USP3: variants seen among roughly 807,000 people sequenced by gnomAD.
USP3 encodes the protein ubiquitin specific peptidase 3.
In USP3, 20 loss-of-function variants were observed where a neutral mutation model predicts 72.3. The ratio of observed to expected loss-of-function variants is 0.28; its 90% CI spans 0.19 to 0.40. The LOEUF (loss-of-function observed/expected upper bound fraction) is 0.40. USP3 is among the 10% of genes least tolerant of loss of function. The pLI is 1.00. For missense variants in USP3, 479 were observed against 633.9 expected (o/e 0.76, Z 2.62); for synonymous variants, 222 against 225.3 (o/e 0.99, Z 0.13).
intron 2 of USP3, among the ~76,000 whole-genome samples, chr15:63,534,109 G>A (rs547282086): frequency 1.1e-4 from 17 of 152,242 alleles, no homozygotes; most frequent in Non-Finnish European, 2.4e-4. Context: ...TCTAGCCTCT[G>A]CAGGTGGACT....
At chr15:63,584,331 C>G (rs1010718892) in intron 11 of USP3, among the ~76,000 whole-genome samples, 3 of 152,008 alleles carry the variant, frequency 2.0e-5, no homozygotes, top group Non-Finnish European at 4.4e-5. Flanking sequence ...TCCTCCTGAC[C>G]TCGTGATCTA....
chr15:63,550,617 T>C (rs1284998603), intron 3 of USP3, among the ~76,000 whole-genome samples: 3 of 152,258 alleles, frequency 2.0e-5, no homozygotes, highest in Admixed American at 6.5e-5. Context: ...AATTAGGCAT[T>C]ATCTCTTCTA....
intron 4 of USP3, 101 bp from the exon 5 acceptor site, chr15:63,556,566 C>G: frequency 2.4e-6 from 2 of 839,352 alleles, no homozygotes; most frequent in Non-Finnish European, 3.6e-6. Flanking sequence ...AGGGAGGTCT[C>G]CATGCCCTAG....
intron 1 of USP3, among the ~76,000 whole-genome samples, chr15:63,524,501 G>A (rs1451167199): frequency 6.6e-6 from 1 of 152,180 alleles, no homozygotes. Context: ...AATTTTGTGG[G>A]CCAAGAATTC....
At chr15:63,557,592 C>T (rs558635712) in intron 5 of USP3, among the ~76,000 whole-genome samples, 6 of 152,310 alleles carry the variant, frequency 3.9e-5, no homozygotes, top group South Asian at 2.1e-4. Context: ...GACGGAGTTT[C>T]GCCATGTTGG....
rs561019561 is a variant in USP3, at chr15:63,554,932, T to C, written c.368+1134T>C. On this transcript the variant is annotated intron_variant, in intron 4 of 14. Coordinates refer to ENST00000380324, the MANE Select transcript of USP3 (RefSeq NM_006537.4). Reference sequence around the variant, plus strand: ...GACAGATACACACAGATCCAAAATATTTAATTTTCTCTGAAACTGTTCACA... The same window carrying C: ...GACAGATACACACAGATCCAAAATACTTAATTTTCTCTGAAACTGTTCACA... Among the ~76,000 whole-genome samples the C allele has an allele frequency of 9.8e-5, 15 of 152,316 alleles. No homozygotes were observed. In the East Asian group the frequency reaches 2.7e-3, roughly 27 times the overall value.
At chr15:63,523,285 C>T (rs1209193837) in intron 1 of USP3, among the ~76,000 whole-genome samples, 1 of 152,096 alleles carries the variant, frequency 6.6e-6, no homozygotes, top group Non-Finnish European at 1.5e-5. Flanking sequence ...AAATCTTTAC[C>T]ATAGCCATGT....
chr15:63,578,613 G>GAAA (rs527520835), intron 11 of USP3, among the ~76,000 whole-genome samples: 3,553 of 85,514 alleles, frequency 0.042, 174 homozygotes, highest in African/African-American at 0.14. Context: ...CTCCGTCTCA[G>GAAA]AAAAAAAAAA....
At chr15:63,573,581 C>T (rs1173069865) in intron 9 of USP3, among the ~76,000 whole-genome samples, 1 of 152,178 alleles carries the variant, frequency 6.6e-6, no homozygotes, top group Non-Finnish European at 1.5e-5. Context: ...TGACAGATGG[C>T]TGTATAAAAA....
intron 1 of USP3, among the ~76,000 whole-genome samples, chr15:63,511,517 A>G (rs2152647202): frequency 6.6e-6 from 1 of 152,310 alleles, no homozygotes; most frequent in South Asian, 2.1e-4. Flanking sequence ...ATAGTTTGGA[A>G]GAAACAACTA....
chr15:63,560,058 C>A, intron 7 of USP3, 88 bp downstream of exon 7: 1 of 1,020,772 alleles, frequency 9.8e-7, no homozygotes, highest in Non-Finnish European at 1.4e-6. Flanking sequence ...AGTGAGCTAA[C>A]AGGCACATGC....
In USP3 at chr15:63,529,219, C is replaced by T. The variant is rs1394426977; in HGVS notation, c.92-3428C>T. The stretch of plus-strand genomic sequence containing the variant: ...TTTTTTTGAGATATATTAAAAGGCA[C>T]AGTCCATAGTCACTTGTTTCCAATG... On this transcript the variant is annotated intron_variant, in intron 1 of 14. Transcript: ENST00000380324. This position sits in a 1 kb window ranked among gnomAD's most constrained non-coding sequence, Gnocchi z 4.2. 1 of 443,880 alleles carries T rather than the reference C, an allele frequency of 2.3e-6. No homozygotes were observed. The highest frequency in any genetic ancestry group is 4.3e-6 in the Non-Finnish European group (1 of 234,424). 27.5% of individuals were successfully genotyped at this position (443,880 alleles called of 1,614,324 possible).
chr15:63,564,759 A>G (rs74648869), intron 8 of USP3, among the ~76,000 whole-genome samples: 1,571 of 152,338 alleles, frequency 0.01, 27 homozygotes, highest in African/African-American at 0.036. Flanking sequence ...GCTGATGAGA[A>G]TAGGGTGCTT....
intron 1 of USP3, among the ~76,000 whole-genome samples, chr15:63,526,421 T>G (rs1211629749): frequency 6.6e-6 from 1 of 152,168 alleles, no homozygotes; most frequent in Non-Finnish European, 1.5e-5. Flanking sequence ...CTGTACCTCA[T>G]TGGATTGTAG....
At chr15:63,538,805 C>G (rs570061935) in intron 3 of USP3, among the ~76,000 whole-genome samples, 3 of 152,174 alleles carry the variant, frequency 2.0e-5, no homozygotes, top group South Asian at 4.1e-4. Flanking sequence ...CTCGGCCTCC[C>G]AAAGGGTCTT....
chr15:63,508,378 C>G (rs980383164), intron 1 of USP3, among the ~76,000 whole-genome samples: 1 of 152,138 alleles, frequency 6.6e-6, no homozygotes, highest in Non-Finnish European at 1.5e-5. Flanking sequence ...AGCATGGGCT[C>G]TAGTAGTCCT....
rs773532062 is a variant in USP3 at position 63,588,918 on chromosome 15, A to C, written c.1330-26A>C. 14 of 1,613,906 alleles carry C rather than the reference A, an allele frequency of 8.7e-6. No homozygotes were observed. Among genetic ancestry groups the C allele is most frequent in the Non-Finnish European group, 1.1e-5 (13 of 1,179,930 alleles). On this transcript the variant is annotated intron_variant, in intron 13 of 14. Transcript: ENST00000380324. This position sits in a 1 kb window ranked among gnomAD's most constrained non-coding sequence, Gnocchi z 4.6. ...CATCGAGATACTGATGTCATTGACC[A>C]CTGCTCCTTCTTCCTTGTTCTGTAG...
At chr15:63,542,744 A>G (rs996819778) in intron 3 of USP3, among the ~76,000 whole-genome samples, 2 of 152,196 alleles carry the variant, frequency 1.3e-5, no homozygotes, top group African/African-American at 4.8e-5. Flanking sequence ...ATACTAAATG[A>G]TGAAATGCCA....
chr15:63,522,082 C>T (rs1050844146), intron 1 of USP3, among the ~76,000 whole-genome samples: 2 of 152,202 alleles, frequency 1.3e-5, no homozygotes, highest in African/African-American at 4.8e-5. Context: ...CACTATATTG[C>T]CCAGGCTGAT....
Sources: allele counts gnomAD v4.1 joint callset (sites outside exome capture counted in the v4.1 genomes callset), GRCh38; gene constraint gnomAD v4.1.1; non-coding constraint Gnocchi (gnomAD v3.1); transcripts MANE v1.5; gene names NCBI Gene and HGNC (gene_info 2026-07-23, HGNC 2026-07-21).